Variants in PTPRQ observed in about 807,000 individuals in gnomAD.
The protein encoded by PTPRQ is phosphatidylinositol phosphatase PTPRQ.
In PTPRQ, 199 loss-of-function variants were observed where a neutral mutation model predicts 246.0. The observed-to-expected ratio is 0.81, with a 90% CI of 0.72 to 0.91. PTPRQ has a LOEUF of 0.91. Among genes scored for constraint, PTPRQ ranks in the 40% least tolerant of loss-of-function variants. PTPRQ has a pLI of 0.00. For missense variants in PTPRQ, 2,624 were observed against 2,528.4 expected (o/e 1.04, Z -0.81); for synonymous variants, 869 against 853.2 (o/e 1.02, Z -0.32).
At chr12:80,533,727 T>C (rs577715648) in intron 17 of PTPRQ, among the ~76,000 whole-genome samples, 2 of 152,068 alleles carry the variant, frequency 1.3e-5, no homozygotes, top group Non-Finnish European at 2.9e-5. Context: ...CTTTAGTACA[T>C]AGTATTCCTT....
chr12:80,533,371 GTTTTC>G (rs1273015174), intron 17 of PTPRQ, among the ~76,000 whole-genome samples: 1 of 151,720 alleles, frequency 6.6e-6, no homozygotes, highest in Non-Finnish European at 1.5e-5. Flanking sequence ...TATTTGATTT[GTTTTC>G]TTTTCTGGAG....
chr12:80,478,668 G>C (rs1893914627), intron 8 of PTPRQ, among the ~76,000 whole-genome samples: 1 of 152,154 alleles, frequency 6.6e-6, no homozygotes, highest in African/African-American at 2.4e-5. Flanking sequence ...AACCAATACA[G>C]AGAAGTGCTT....
chr12:80,634,587 G>T (rs17007033), intron 34 of PTPRQ: 11,047 of 183,566 alleles, frequency 0.06, 428 homozygotes, highest in East Asian at 0.13. Context: ...CTTTGGCATA[G>T]TTCCTTTATA....
intron 27 of PTPRQ, 95 bp downstream of exon 27, chr12:80,605,275 T>C: frequency 7.0e-7 from 1 of 1,431,150 alleles, no homozygotes; most frequent in South Asian, 1.4e-5. Context: ...TTTGGCTCTG[T>C]TAGACAGTAG....
Position 80,479,849 on chromosome 12 carries a change from A to G in PTPRQ, c.1187-4584A>G, listed in dbSNP as rs537313591. On this transcript the variant is annotated intron_variant, in intron 8 of 44. Transcript: ENST00000644991. ...TAGCCTAAATATATATGCACCCAAT[A>G]CAGGAGCACCCAGATTCATAAAGCA... 8.5e-5 allele frequency among the ~76,000 whole-genome samples: 13 copies of G among 152,276 alleles called. No individual in the cohort carries two copies. The South Asian group carries it at 2.7e-3, about 32-fold the overall frequency.
chr12:80,623,852 G>C (rs981588466), intron 33 of PTPRQ, among the ~76,000 whole-genome samples: 4 of 152,048 alleles, frequency 2.6e-5, no homozygotes, highest in Non-Finnish European at 5.9e-5. Flanking sequence ...AAAAGGGGGG[G>C]AGCGCCAAGC....
chr12:80,599,620 T>G (rs1221109387), intron 26 of PTPRQ, among the ~76,000 whole-genome samples: 1 of 151,490 alleles, frequency 6.6e-6, no homozygotes, highest in Non-Finnish European at 1.5e-5. Context: ...GGGAAAATGC[T>G]GGATATATTT....
intron 17 of PTPRQ, among the ~76,000 whole-genome samples, chr12:80,519,570 G>A (rs1487469103): frequency 6.6e-6 from 1 of 152,148 alleles, no homozygotes; most frequent in Non-Finnish European, 1.5e-5. Context: ...GCTTTATGCG[G>A]AAAGGGTTAG....
At chr12:80,615,792 A>G (rs1427872434) in intron 29 of PTPRQ, among the ~76,000 whole-genome samples, 1 of 151,006 alleles carries the variant, frequency 6.6e-6, no homozygotes, top group Admixed American at 6.6e-5. Context: ...GAAGGAACAG[A>G]TGTTAGAGTA....
At chr12:80,630,602 C>A (rs1201022414) in intron 33 of PTPRQ, among the ~76,000 whole-genome samples, 1 of 152,058 alleles carries the variant, frequency 6.6e-6, no homozygotes, top group East Asian at 1.9e-4. Context: ...ATCTATACAG[C>A]GATATTTTGT....
At chr12:80,491,263 G>T (rs1284160146) in intron 9 of PTPRQ, among the ~76,000 whole-genome samples, 1 of 151,960 alleles carries the variant, frequency 6.6e-6, no homozygotes, top group Admixed American at 6.6e-5. Flanking sequence ...CCTCACTATA[G>T]TTCATTCTAT....
intron 14 of PTPRQ, among the ~76,000 whole-genome samples, chr12:80,496,805 C>T (rs759713370): frequency 2.0e-5 from 3 of 151,962 alleles, no homozygotes; most frequent in African/African-American, 7.2e-5. Context: ...TTTCAATGTA[C>T]CTATAAATTT....
At chr12:80,678,830 T>C (rs1901227536) in intron 44 of PTPRQ, 105 bp downstream of exon 44, 1 of 1,449,708 alleles carries the variant, frequency 6.9e-7, no homozygotes, top group African/African-American at 1.4e-5. Context: ...GAAGCTGGAT[T>C]AGTGCACAGA....
At chr12:80,587,334 A>C (rs2121015069) in intron 25 of PTPRQ, among the ~76,000 whole-genome samples, 1 of 152,322 alleles carries the variant, frequency 6.6e-6, no homozygotes, top group Non-Finnish European at 1.5e-5. Context: ...TTCTTAACAA[A>C]GGCCGTTGAA....
At chr12:80,656,315 T>C (rs1416864127) in intron 38 of PTPRQ, among the ~76,000 whole-genome samples, 3 of 152,168 alleles carry the variant, frequency 2.0e-5, no homozygotes, top group South Asian at 2.1e-4. Context: ...TAAGCTTTCA[T>C]GTAAATTTTC....
intron 19 of PTPRQ, among the ~76,000 whole-genome samples, chr12:80,539,350 G>A (rs1490483718): frequency 6.6e-6 from 1 of 152,086 alleles, no homozygotes; most frequent in Non-Finnish European, 1.5e-5. Flanking sequence ...AAACACATTC[G>A]AAATTCCTTC....
At chr12:80,505,911 C>T in intron 14 of PTPRQ, 113 bp from the exon 15 acceptor site, 1 of 1,160,180 alleles carries the variant, frequency 8.6e-7, no homozygotes, top group Non-Finnish European at 1.2e-6. Flanking sequence ...ATTACGATTA[C>T]ATTCTAGTGA....
intron 20 of PTPRQ, 37 bp from the exon 21 acceptor site, chr12:80,541,518 C>G: frequency 7.2e-7 from 1 of 1,398,288 alleles, no homozygotes; most frequent in Non-Finnish European, 9.3e-7. Context: ...TTTAGGGTAA[C>G]TGATGATTTT....
intron 25 of PTPRQ, among the ~76,000 whole-genome samples, chr12:80,552,593 C>A (rs1896507792): frequency 7.5e-6 from 1 of 132,768 alleles, no homozygotes; most frequent in Non-Finnish European, 1.6e-5. Flanking sequence ...CAATGTGCAC[C>A]TGATGTAGAG....
Sources: gnomAD v4.1 joint callset for allele counts (sites outside exome capture counted in the v4.1 genomes callset) on GRCh38, gnomAD v4.1.1 for gene constraint, MANE v1.5 for transcripts, NCBI Gene and HGNC (gene_info 2026-07-23, HGNC 2026-07-21) for gene names.